CA10: variants seen among roughly 807,000 people sequenced by gnomAD.
The protein encoded by CA10 is carbonic anhydrase 10 (inactive).
A neutral mutation model predicts 44.2 loss-of-function variants in CA10; 14 were observed. The ratio of observed to expected loss-of-function variants is 0.32; its 90% CI spans 0.21 to 0.50. CA10 has a LOEUF of 0.50. CA10 is among the 20% of genes least tolerant of loss of function. The probability of loss-of-function intolerance (pLI) is 0.99; values close to 1 mark genes in which losing one functional copy is unlikely to be tolerated. For synonymous variants in CA10, 159 were observed against 141.6 expected, an observed-to-expected ratio of 1.12 and a Z score of -0.87; for missense variants, 350 against 409.7, an observed-to-expected ratio of 0.85 and a Z score of 1.26.
At position 51,808,061 on chromosome 17, in the gene CA10, T is replaced by C. The variant is rs529419488; in HGVS notation, c.280-60243A>G. The stretch of plus-strand genomic sequence containing the variant: ...CACTGTCATATCCCATTGTTCTCAC[T>C]ACAGATCTGAGAGGTAAGACCAGGT... On this transcript the variant is annotated intron_variant, in intron 3 of 8. Transcript: ENST00000451037. Among the ~76,000 whole-genome samples the C allele has an allele frequency of 2.3e-4, 35 of 152,326 alleles. No individual in the cohort carries two copies. The East Asian group carries it at 6.0e-3, about 26-fold the overall frequency.
At chr17:51,668,276 C>G (rs1914280967) in intron 4 of CA10, among the ~76,000 whole-genome samples, 1 of 152,200 alleles carries the variant, frequency 6.6e-6, no homozygotes. Flanking sequence ...GGGGCGATTT[C>G]AAGAAGAGAC....
Position 51,696,507 on chromosome 17 carries a change from T to C in CA10, c.466-42771A>G, listed in dbSNP as rs1021984564. On this transcript the variant is annotated intron_variant, in intron 4 of 8. Transcript: ENST00000451037. Reference sequence around the variant, plus strand: ...CTTTGGTAATCTAGCTAGTGGTCTATTGATTTTTATCTTTTCAAAAAGCCA... The same window carrying C: ...CTTTGGTAATCTAGCTAGTGGTCTACTGATTTTTATCTTTTCAAAAAGCCA... 3.9e-5 allele frequency among the ~76,000 whole-genome samples: 6 copies of C among 152,204 alleles called. No individual in the cohort carries two copies. The East Asian group carries it at 5.8e-4, about 15-fold the overall frequency.
chr17:51,798,761 A>G (rs1157621520), intron 3 of CA10, among the ~76,000 whole-genome samples: 1 of 152,254 alleles, frequency 6.6e-6, no homozygotes, highest in African/African-American at 2.4e-5. Flanking sequence ...GCAGACTTGG[A>G]GGGATAATAA....
chr17:51,845,276 T>C (rs1166900043), intron 3 of CA10, among the ~76,000 whole-genome samples: 2 of 152,216 alleles, frequency 1.3e-5, no homozygotes, highest in Non-Finnish European at 1.5e-5. Flanking sequence ...GACTGTGATA[T>C]AAAGGCACTG....
intron 3 of CA10, among the ~76,000 whole-genome samples, chr17:51,886,040 T>C (rs760927509): frequency 1.3e-5 from 2 of 152,112 alleles, no homozygotes; most frequent in Non-Finnish European, 2.9e-5. Flanking sequence ...TGCAGAGAGA[T>C]TAGCAAAGGA....
chr17:51,887,873 A>G (rs1980683135), intron 3 of CA10, among the ~76,000 whole-genome samples: 1 of 151,702 alleles, frequency 6.6e-6, no homozygotes, highest in Admixed American at 6.6e-5. Flanking sequence ...AAAAAGAAAA[A>G]AAATTAGTCG....
At chr17:52,051,812 T>C (rs1482585245) in intron 2 of CA10, among the ~76,000 whole-genome samples, 1 of 152,080 alleles carries the variant, frequency 6.6e-6, no homozygotes, top group Non-Finnish European at 1.5e-5. Flanking sequence ...CATTCTATTA[T>C]AAAGACACAT....
At chr17:52,067,606 G>A (rs2143119042) in intron 2 of CA10, among the ~76,000 whole-genome samples, 1 of 152,328 alleles carries the variant, frequency 6.6e-6, no homozygotes, top group African/African-American at 2.4e-5. Flanking sequence ...TCCACCAATA[G>A]CTTGCAACAT....
chr17:51,676,064 G>A (rs1177996679), intron 4 of CA10, among the ~76,000 whole-genome samples: 3 of 152,200 alleles, frequency 2.0e-5, no homozygotes, highest in Non-Finnish European at 4.4e-5. Context: ...ATTGGCTAGT[G>A]CTACTTAAGT....
intron 4 of CA10, among the ~76,000 whole-genome samples, chr17:51,707,603 T>TA (rs1210528511): frequency 1.3e-5 from 2 of 151,782 alleles, no homozygotes; most frequent in Non-Finnish European, 2.9e-5. Flanking sequence ...AAATTTATTG[T>TA]ATATGAATGA....
intron 1 of CA10, among the ~76,000 whole-genome samples, chr17:52,080,955 G>A (rs1394888560): frequency 6.6e-6 from 1 of 152,120 alleles, no homozygotes; most frequent in Non-Finnish European, 1.5e-5. Flanking sequence ...AGTATTCTAA[G>A]CATTGAGGGT....
In CA10 at chr17:52,157,858, C is replaced by G; in HGVS notation, c.-72G>C. The G allele has an allele frequency of 8.8e-7, 1 of 1,141,460 alleles. No individual in the cohort carries two copies. The highest frequency in any genetic ancestry group is 1.3e-6 in the Non-Finnish European group (1 of 748,932). The allele number at this position is 1,141,460 out of a possible 1,614,324, so 70.7% of individuals were successfully genotyped here. A position where few individuals can be genotyped will look rare whatever the true frequency, so the allele number is the denominator to read the frequency against. ...GAAGGGGGGAGCCCGACACGGCACA[C>G]ACACATACACACTCGCACACACTTC... On this transcript the variant is annotated 5_prime_UTR_variant, in exon 1 of 9. Transcript: ENST00000451037.
chr17:51,744,021 T>C (rs1416874847), intron 4 of CA10, among the ~76,000 whole-genome samples: 1 of 152,122 alleles, frequency 6.6e-6, no homozygotes, highest in Non-Finnish European at 1.5e-5. Flanking sequence ...TGAAGGAAAT[T>C]TCTATAAGAA....
intron 2 of CA10, among the ~76,000 whole-genome samples, chr17:51,958,323 T>C (rs965198407): frequency 6.6e-6 from 1 of 151,750 alleles, no homozygotes; most frequent in Non-Finnish European, 1.5e-5. Context: ...TTAGGTTCAA[T>C]TCCCTGGGCA....
chr17:51,660,019 G>C (rs1019281668), intron 4 of CA10, among the ~76,000 whole-genome samples: 1 of 152,146 alleles, frequency 6.6e-6, no homozygotes, highest in Non-Finnish European at 1.5e-5. Context: ...CTTAGAAGGG[G>C]TCTTAGAGAA....
chr17:52,155,256 A>T (rs563642614), intron 1 of CA10, among the ~76,000 whole-genome samples: 1 of 152,318 alleles, frequency 6.6e-6, no homozygotes, highest in African/African-American at 2.4e-5. Flanking sequence ...GATGCTAAAG[A>T]GGTGCTTTGT....
At chr17:51,634,431 G>A (rs941046591) in intron 7 of CA10, among the ~76,000 whole-genome samples, 12 of 152,134 alleles carry the variant, frequency 7.9e-5, no homozygotes, top group East Asian at 1.9e-4. Context: ...CACATATCCC[G>A]TCAAGGATAT....
chr17:52,008,150 T>C (rs1985665202), intron 2 of CA10, among the ~76,000 whole-genome samples: 1 of 151,804 alleles, frequency 6.6e-6, no homozygotes, highest in South Asian at 2.1e-4. Flanking sequence ...GTATTGATCA[T>C]CTCTTCTTTG....
intron 2 of CA10, among the ~76,000 whole-genome samples, chr17:51,969,465 T>C (rs898608950): frequency 3.3e-5 from 5 of 152,062 alleles, no homozygotes; most frequent in African/African-American, 1.2e-4. Context: ...CTGATAGTTT[T>C]CTTATTTTCC....
Sources: gnomAD v4.1 joint callset for allele counts (sites outside exome capture counted in the v4.1 genomes callset) on GRCh38, gnomAD v4.1.1 for gene constraint, MANE v1.5 for transcripts, NCBI Gene and HGNC (gene_info 2026-07-23, HGNC 2026-07-21) for gene names.